The following UBAC2 variants were observed in gnomAD, a reference collection of about 807,000 sequenced individuals.
The protein encoded by UBAC2 is ubiquitin-associated domain-containing protein 2.
In UBAC2, 26 loss-of-function variants were observed where a neutral mutation model predicts 44.0. The ratio of observed to expected loss-of-function variants is 0.59; its 90% confidence interval spans 0.43 to 0.82. The LOEUF (loss-of-function observed/expected upper bound fraction) is 0.82, where lower values mean the gene tolerates loss of function less well. Among genes scored for constraint, UBAC2 ranks in the 40% least tolerant of loss-of-function variants. UBAC2 has a pLI of 0.00. For synonymous variants in UBAC2, 155 were observed against 154.3 expected (o/e 1.00, Z -0.04); for missense variants, 329 against 419.4 (o/e 0.78, Z 1.88).
chr13:99,321,372 G>C (rs1377342951), intron 6 of UBAC2, among the ~76,000 whole-genome samples: 3 of 152,180 alleles, frequency 2.0e-5, no homozygotes, highest in African/African-American at 7.2e-5. Flanking sequence ...GTAGTGGCAT[G>C]ATCTTGGCTC....
At chr13:99,210,155 G>A (rs1046583998) in intron 1 of UBAC2, among the ~76,000 whole-genome samples, 1 of 152,008 alleles carries the variant, frequency 6.6e-6, no homozygotes, top group African/African-American at 2.4e-5. Flanking sequence ...TAATTTATTC[G>A]TCTTTTCTTT....
At chr13:99,326,706 G>C (rs1476342693) in intron 6 of UBAC2, among the ~76,000 whole-genome samples, 1 of 152,120 alleles carries the variant, frequency 6.6e-6, no homozygotes, top group Non-Finnish European at 1.5e-5. Flanking sequence ...ATGGGTGGTA[G>C]AACCAGGACA....
intron 8 of UBAC2, among the ~76,000 whole-genome samples, chr13:99,381,022 C>CA (rs1354661904): frequency 3.3e-5 from 5 of 152,230 alleles, no homozygotes; most frequent in African/African-American, 1.2e-4. Flanking sequence ...TCTTAGTTGT[C>CA]AAAACCAGCA....
intron 1 of UBAC2, 28 bp from the exon 2 acceptor site, chr13:99,238,399 C>G: frequency 1.2e-6 from 2 of 1,608,814 alleles, no homozygotes; most frequent in East Asian, 2.2e-5. Flanking sequence ...AACAATCATT[C>G]TGAAAGTGCT....
At chr13:99,204,845 C>A (rs1484925487) in intron 1 of UBAC2, among the ~76,000 whole-genome samples, 1 of 148,922 alleles carries the variant, frequency 6.7e-6, no homozygotes, top group East Asian at 2.0e-4. Context: ...TTCTGAGAAT[C>A]AAGAGAGTGA....
intron 7 of UBAC2, among the ~76,000 whole-genome samples, chr13:99,347,540 G>T (rs1047904084): frequency 1.3e-5 from 2 of 152,012 alleles, no homozygotes; most frequent in Non-Finnish European, 2.9e-5. Flanking sequence ...CCCCGTTCAA[G>T]TTACTTTCAC....
chr13:99,352,705 G>A (rs1441520980), intron 7 of UBAC2, among the ~76,000 whole-genome samples: 1 of 152,242 alleles, frequency 6.6e-6, no homozygotes, highest in Non-Finnish European at 1.5e-5. Context: ...CCAGGCTCTG[G>A]TGAGTCCCAC....
At chr13:99,380,740 G>C (rs1467024040) in intron 8 of UBAC2, among the ~76,000 whole-genome samples, 1 of 152,226 alleles carries the variant, frequency 6.6e-6, no homozygotes, top group Non-Finnish European at 1.5e-5. Flanking sequence ...ACCTTCAGGT[G>C]CCCTTTCTTA....
Position 99,295,984 on chromosome 13 carries a change from G to C in UBAC2, c.390-18113G>C. On this transcript the variant is annotated intron_variant, in intron 4 of 8. Transcript: ENST00000403766. This position sits in a 1 kb window ranked among gnomAD's most constrained non-coding sequence, Gnocchi z 4.1. ...TTTTTTTCCTGTTTTGAACAATGAC[G>C]ACCAAGGCTAGTAAGTTTCCCACGA... The C allele has an allele frequency of 6.2e-7, 1 of 1,614,042 alleles. No individual in the cohort carries two copies. Among genetic ancestry groups the C allele is most frequent in the Non-Finnish European group, 8.5e-7 (1 of 1,179,982 alleles).
intron 1 of UBAC2, among the ~76,000 whole-genome samples, chr13:99,238,157 C>G (rs1283033670): frequency 6.6e-6 from 1 of 152,188 alleles, no homozygotes; most frequent in Non-Finnish European, 1.5e-5. Flanking sequence ...GAAAGGTGTT[C>G]TATGGAAGTT....
chr13:99,248,360 A>T lies in UBAC2; in HGVS notation c.389+3736A>T, dbSNP rs1566466912. 4.0e-5 allele frequency among the ~76,000 whole-genome samples: 6 copies of T among 151,154 alleles called. No homozygotes were observed. The South Asian group carries it at 1.3e-3, about 32-fold the overall frequency. ...CAGCTCAGCCTCCTGAGTAGCTGTG[A>T]CTATAGATGTGCCACCATGCCCACC... On this transcript the variant is annotated intron_variant, in intron 4 of 8. Coordinates refer to ENST00000403766, the MANE Select transcript of UBAC2 (RefSeq NM_001144072.2).
chr13:99,217,884 C>G (rs374082786), intron 1 of UBAC2, among the ~76,000 whole-genome samples: 1 of 152,126 alleles, frequency 6.6e-6, no homozygotes, highest in East Asian at 1.9e-4. Context: ...TTCTTGCCAT[C>G]GACTCCCCCA....
chr13:99,222,938 T>C (rs957727614), intron 1 of UBAC2, among the ~76,000 whole-genome samples: 12 of 152,228 alleles, frequency 7.9e-5, no homozygotes. Flanking sequence ...TTTAAATGCT[T>C]GGTAGAATTC....
intron 7 of UBAC2, chr13:99,351,405 T>C (rs967957585): frequency 5.3e-6 from 2 of 380,170 alleles, no homozygotes; most frequent in African/African-American, 2.1e-5. Flanking sequence ...AATGGTTATA[T>C]AGGTAACTAC....
intron 7 of UBAC2, among the ~76,000 whole-genome samples, chr13:99,346,117 G>C (rs184807783): frequency 2.5e-4 from 38 of 152,202 alleles, no homozygotes; most frequent in Admixed American, 1.8e-3. Context: ...TTGTTTACCC[G>C]AAAGTCCAAA....
intron 7 of UBAC2, among the ~76,000 whole-genome samples, chr13:99,360,142 T>G (rs2045245944): frequency 6.6e-6 from 1 of 152,206 alleles, no homozygotes; most frequent in Non-Finnish European, 1.5e-5. Flanking sequence ...AGCAGTCAGC[T>G]CAGGCTGCAG....
chr13:99,266,613 T>C (rs2043747022), intron 4 of UBAC2, among the ~76,000 whole-genome samples: 1 of 152,186 alleles, frequency 6.6e-6, no homozygotes. Context: ...CCATTTTAAC[T>C]CTTATTTGTA....
intron 8 of UBAC2, among the ~76,000 whole-genome samples, chr13:99,384,095 C>G (rs1001541722): frequency 6.6e-6 from 1 of 150,870 alleles, no homozygotes; most frequent in Non-Finnish European, 1.5e-5. Context: ...CCATTCACAC[C>G]CACTGAGTCC....
At chr13:99,361,826 T>C (rs2045269125) in intron 7 of UBAC2, among the ~76,000 whole-genome samples, 1 of 152,092 alleles carries the variant, frequency 6.6e-6, no homozygotes, top group Non-Finnish European at 1.5e-5. Context: ...CATGACCATA[T>C]ATCCATCTAA....
Sources: allele counts gnomAD v4.1 joint callset (sites outside exome capture counted in the v4.1 genomes callset), GRCh38; gene constraint gnomAD v4.1.1; non-coding constraint Gnocchi (gnomAD v3.1); transcripts MANE v1.5; gene names NCBI Gene and HGNC (gene_info 2026-07-23, HGNC 2026-07-21).